ATF7IP: variants seen among roughly 807,000 people sequenced by gnomAD.
ATF7IP encodes activating transcription factor 7 interacting protein.
A neutral mutation model predicts 106.4 loss-of-function variants in ATF7IP; 23 were observed. That is an observed-to-expected ratio of 0.22 (90% CI 0.16 to 0.31). The LOEUF (loss-of-function observed/expected upper bound fraction) is 0.31, where lower values mean the gene tolerates loss of function less well. ATF7IP is among the 10% of genes least tolerant of loss of function. ATF7IP has a pLI of 1.00. For synonymous variants in ATF7IP, 542 were observed against 539.0 expected, an observed-to-expected ratio of 1.01 and a Z score of -0.08; for missense variants, 1,334 against 1,524.3, an observed-to-expected ratio of 0.88 and a Z score of 2.08.
At chr12:14,491,103 C>A (rs1188993499) in intron 13 of ATF7IP, among the ~76,000 whole-genome samples, 1 of 152,132 alleles carries the variant, frequency 6.6e-6, no homozygotes, top group Non-Finnish European at 1.5e-5. Context: ...GCCCCTCACA[C>A]CTCAAGCACC....
chr12:14,466,430 G>A (rs1943835808), intron 9 of ATF7IP, 96 bp from the exon 10 acceptor site: 5 of 949,762 alleles, frequency 5.3e-6, no homozygotes, highest in Non-Finnish European at 8.3e-6. Context: ...TGACGGAAAA[G>A]TAGTTGGAGA....
rs188403060 is a variant in ATF7IP at position 14,501,654 on chromosome 12, G to C, written c.*3581G>C. ...TTTCTTCCTTGAAAAGTCGGTATTTGTTGAGATACCATTTGCCTCACAGAG... is the reference window on the plus strand; with the variant it reads ...TTTCTTCCTTGAAAAGTCGGTATTTCTTGAGATACCATTTGCCTCACAGAG... On this transcript the variant is annotated 3_prime_UTR_variant, in exon 15 of 15. Coordinates refer to ENST00000261168, the MANE Select transcript of ATF7IP (RefSeq NM_018179.5). 1 of 152,238 alleles carries C rather than the reference G, an allele frequency of 6.6e-6. No homozygotes were observed. Among genetic ancestry groups the C allele is most frequent in the Non-Finnish European group, 1.5e-5 (1 of 67,998 alleles). 9.4% of individuals were successfully genotyped at this position (152,238 alleles called of 1,614,324 possible).
chr12:14,378,405 C>G (rs1938852656), intron 1 of ATF7IP, among the ~76,000 whole-genome samples: 1 of 152,122 alleles, frequency 6.6e-6, no homozygotes, highest in South Asian at 2.1e-4. Context: ...GCCCTATATT[C>G]AGTATTTTTC....
chr12:14,496,632 TTAAAAAGGA>T, intron 14 of ATF7IP, among the ~76,000 whole-genome samples: 2 of 152,312 alleles, frequency 1.3e-5, no homozygotes, highest in East Asian at 3.9e-4. Flanking sequence ...CATAGTTAAA[TTAAAAAGGA>T]CATTTTTCAT....
At chr12:14,484,598 C>G (rs1400025365) in intron 13 of ATF7IP, among the ~76,000 whole-genome samples, 2 of 152,172 alleles carry the variant, frequency 1.3e-5, no homozygotes, top group African/African-American at 4.8e-5. Context: ...GTGCACTTTA[C>G]AGTGGTGCCT....
At chr12:14,488,465 T>C (rs1351228545) in intron 13 of ATF7IP, among the ~76,000 whole-genome samples, 5 of 152,148 alleles carry the variant, frequency 3.3e-5, no homozygotes, top group African/African-American at 7.2e-5. Context: ...TTTCACGTTT[T>C]TCTGCCTGCT....
intron 1 of ATF7IP, chr12:14,394,812 T>G (rs1463883715): frequency 6.6e-6 from 1 of 152,224 alleles, no homozygotes; most frequent in African/African-American, 2.4e-5. Context: ...TTATACCTAT[T>G]GATACTATTG....
intron 1 of ATF7IP, among the ~76,000 whole-genome samples, chr12:14,372,362 A>G (rs1330477455): frequency 5.9e-5 from 9 of 151,556 alleles, no homozygotes; most frequent in Non-Finnish European, 1.5e-5. Flanking sequence ...CAGGGCTACT[A>G]GTGCTTGTTT....
intron 1 of ATF7IP, chr12:14,420,156 A>G (rs1941421068): frequency 6.6e-6 from 1 of 152,210 alleles, no homozygotes; most frequent in Admixed American, 6.5e-5. Context: ...GATGTTAGAA[A>G]AAACCTAGTA....
intron 9 of ATF7IP, among the ~76,000 whole-genome samples, chr12:14,463,225 T>TAA (rs1362263628): frequency 3.3e-5 from 5 of 152,132 alleles, no homozygotes; most frequent in Admixed American, 2.6e-4. Flanking sequence ...TATGTGGGTA[T>TAA]TATGTTTACT....
Position 14,424,651 on chromosome 12 carries a change from T to G in ATF7IP, c.736T>G (p.Ser246Ala), listed in dbSNP as rs1250231042. ...SVDLASGAPASTDPASDDLAS... is the reference protein window; with the variant it reads ...SVDLASGAPAATDPASDDLAS... ...TGATCTGGCTTCTGGAGCACCAGCT[T>G]CCACTGATCCAGCCTCTGATGATCT... Residue 246 changes from serine to alanine, a missense_variant, in exon 2 of 15, where the codon TCC (serine) becomes GCC (alanine). This residue lies in a region of ATF7IP where 438 missense variants were observed against 405.3 expected (regional missense o/e 1.08). Transcript: ENST00000261168. 1 of 1,613,886 alleles carries G rather than the reference T, an allele frequency of 6.2e-7. No individual in the cohort carries two copies. The highest frequency in any genetic ancestry group is 8.5e-7 in the Non-Finnish European group (1 of 1,179,990).
rs1285222182 is a variant in ATF7IP at position 14,460,830 on chromosome 12, C to T, written c.2494C>T (p.Pro832Ser). ...PPTVSGLTKN[P>S]VSLPSLPNPT... ...TACAGTGAGTGGTCTTACCAAAAAT[C>T]CAGTATCCTTGCCATCCTTGCCAAA... Residue 832 changes from proline (P) to serine (S), a missense_variant, in exon 9 of 15, where the codon CCA becomes TCA. By Grantham distance (74) the Pro-to-Ser change is moderately conservative (BLOSUM62 -1). This residue lies in a region of ATF7IP where 370 missense variants were observed against 401.2 expected (regional missense o/e 0.92). Coordinates refer to ENST00000261168, the MANE Select transcript of ATF7IP (RefSeq NM_018179.5). The T allele has an allele frequency of 1.2e-6, 2 of 1,614,086 alleles. No individual in the cohort carries two copies. Among genetic ancestry groups the T allele is most frequent in the African/African-American group, 2.7e-5 (2 of 74,938 alleles).
chr12:14,407,978 A>G (rs1940693845), intron 1 of ATF7IP, among the ~76,000 whole-genome samples: 1 of 152,118 alleles, frequency 6.6e-6, no homozygotes, highest in Non-Finnish European at 1.5e-5. Context: ...AAACTTGCAG[A>G]AAAAAAGTGC....
At chr12:14,435,023 G>A (rs1245322669) in intron 3 of ATF7IP, among the ~76,000 whole-genome samples, 1 of 152,026 alleles carries the variant, frequency 6.6e-6, no homozygotes, top group Non-Finnish European at 1.5e-5. Context: ...AAGAATTTGA[G>A]GTTCCAGTGA....
In ATF7IP at chr12:14,404,158, C is replaced by T. The variant is rs115746788; in HGVS notation, c.-7-19751C>T. 4.5e-3 allele frequency among the ~76,000 whole-genome samples: 651 copies of T among 145,022 alleles called. 3 individuals carry two copies. Among genetic ancestry groups the T allele is most frequent in the African/African-American group, 0.016 (626 of 38,698 alleles). On this transcript the variant is annotated intron_variant, in intron 1 of 14. Coordinates refer to ENST00000261168, the MANE Select transcript of ATF7IP (RefSeq NM_018179.5). ...TTTTTTTTTTTTTTCCAGTGCTAAA[C>T]AGTCTATAATGGAGACAAGGCAGTT... is the stretch of plus-strand genomic sequence containing the variant.
intron 9 of ATF7IP, among the ~76,000 whole-genome samples, chr12:14,465,229 TAAATA>T (rs900018221): frequency 3.3e-5 from 5 of 151,848 alleles, no homozygotes; most frequent in African/African-American, 4.8e-5. Flanking sequence ...AAAAAAATAA[TAAATA>T]AAATAAAGAA....
In ATF7IP at chr12:14,434,537, A is replaced by G. The variant is rs184213558; in HGVS notation, c.1645+114A>G. ...CATGAAATAATTGTAAAATTTTGCA[A>G]TTTCACAACTATACCATTTTGTTGA... On this transcript the variant is annotated intron_variant, in intron 3 of 14. Transcript: ENST00000261168. 4.1e-4 allele frequency: 278 copies of G among 684,170 alleles called. 2 individuals are homozygous for G. In the African/African-American group the frequency reaches 4.2e-3, roughly 10 times the overall value. The allele number at this position is 684,170 out of a possible 1,614,324, so 42.4% of individuals were successfully genotyped here. A position where few individuals can be genotyped will look rare whatever the true frequency, so the allele number is the denominator to read the frequency against.
At chr12:14,441,149 A>G (rs1421463461) in intron 5 of ATF7IP, among the ~76,000 whole-genome samples, 2 of 152,156 alleles carry the variant, frequency 1.3e-5, no homozygotes, top group Admixed American at 6.5e-5. Context: ...CTGAAGAATC[A>G]CCCAGCTGTT....
At chr12:14,397,479 T>C (rs537217096) in intron 1 of ATF7IP, among the ~76,000 whole-genome samples, 104 of 152,330 alleles carry the variant, frequency 6.8e-4, no homozygotes, top group African/African-American at 2.4e-3. Context: ...TCACTATTTC[T>C]AATGACAGAA....
Sources: allele counts gnomAD v4.1 joint callset (sites outside exome capture counted in the v4.1 genomes callset), GRCh38; gene constraint gnomAD v4.1.1; regional missense constraint gnomAD v4.1.1; transcripts MANE v1.5; gene names NCBI Gene and HGNC (gene_info 2026-07-23, HGNC 2026-07-21).